The following VWA3B variants were observed in gnomAD, a reference collection of about 807,000 sequenced individuals.
VWA3B encodes von Willebrand factor A domain containing 3B.
VWA3B carries 138 observed loss-of-function variants against 158.3 expected under a neutral mutation model. That is an observed-to-expected ratio of 0.87 (90% CI 0.76 to 1.00). VWA3B has a LOEUF of 1.00. Ranked by LOEUF, VWA3B falls within the 50% of genes least tolerant of loss-of-function variation. The pLI is 0.00. For missense variants in VWA3B, 1,555 were observed against 1,565.1 expected, an observed-to-expected ratio of 0.99 and a Z score of 0.11; for synonymous variants, 596 against 587.3, an observed-to-expected ratio of 1.01 and a Z score of -0.21.
At chr2:98,249,261 T>C (rs1686638770) in intron 19 of VWA3B, among the ~76,000 whole-genome samples, 1 of 152,182 alleles carries the variant, frequency 6.6e-6, no homozygotes, top group African/African-American at 2.4e-5. Flanking sequence ...GTGTGCCAGG[T>C]ACTATTCTAA....
the VWA3B span, among the ~76,000 whole-genome samples, chr2:98,327,371 C>T: frequency 6.6e-6 from 1 of 152,078 alleles, no homozygotes. Flanking sequence ...TTTCTCAACT[C>T]GTTTTATGAG....
chr2:98,126,873 G>A (rs768828861), intron 5 of VWA3B, among the ~76,000 whole-genome samples: 51 of 151,176 alleles, frequency 3.4e-4, no homozygotes, highest in African/African-American at 9.7e-4. Context: ...CACCCACTGC[G>A]TCCCACCCCT....
chr2:98,147,926 C>T (rs1169466032), intron 7 of VWA3B, among the ~76,000 whole-genome samples: 2 of 149,796 alleles, frequency 1.3e-5, no homozygotes, highest in East Asian at 4.0e-4. Flanking sequence ...GTTCAATTCC[C>T]TATTCAGTTC....
chr2:98,164,094 G>A (rs149150720), intron 8 of VWA3B, among the ~76,000 whole-genome samples: 8 of 152,208 alleles, frequency 5.3e-5, no homozygotes, highest in South Asian at 2.1e-4. Context: ...TCCCATCCAC[G>A]CTGTCTGTGT....
At chr2:98,195,041 TG>T (rs773089249) in intron 12 of VWA3B, among the ~76,000 whole-genome samples, 1 of 152,276 alleles carries the variant, frequency 6.6e-6, no homozygotes, top group East Asian at 1.9e-4. Flanking sequence ...GGATTTTCCT[TG>T]CCCTAAATTT....
At chr2:98,306,072 G>T (rs1574322790) in intron 26 of VWA3B, among the ~76,000 whole-genome samples, 1 of 151,946 alleles carries the variant, frequency 6.6e-6, no homozygotes, top group Non-Finnish European at 1.5e-5. Flanking sequence ...GCTTTCTCAG[G>T]TCTCTGTGCC....
chr2:98,282,450 T>TC (rs1316079883), intron 22 of VWA3B, among the ~76,000 whole-genome samples: 1 of 139,672 alleles, frequency 7.2e-6, no homozygotes, highest in African/African-American at 2.5e-5. Context: ...TTTTTTTTTT[T>TC]TTTTTGAGAC....
intron 2 of VWA3B, among the ~76,000 whole-genome samples, chr2:98,108,498 C>G (rs960751848): frequency 2.6e-5 from 4 of 152,070 alleles, no homozygotes; most frequent in Non-Finnish European, 4.4e-5. Flanking sequence ...TTCAGTTATT[C>G]TGTTTTTTGT....
chr2:98,110,153 T>C (rs983999125), intron 2 of VWA3B, among the ~76,000 whole-genome samples: 1 of 151,738 alleles, frequency 6.6e-6, no homozygotes, highest in Non-Finnish European at 1.5e-5. Context: ...AATATGAACA[T>C]TGGATCTTTA....
chr2:98,324,723 A>G, the VWA3B span, among the ~76,000 whole-genome samples: 12 of 152,336 alleles, frequency 7.9e-5, no homozygotes, highest in African/African-American at 2.4e-4. Context: ...GTGATCTCCC[A>G]GTTTCCAAAG....
rs1574007206 is a variant in VWA3B, at chr2:98,181,350, C to T, written c.1311+138C>T. On this transcript the variant is annotated intron_variant, in intron 9 of 27. Coordinates refer to ENST00000477737, the MANE Select transcript of VWA3B (RefSeq NM_144992.5). ...TTGGGTTTCTGTGAAGAACAGGGTTCCTCTGTTTCCCTCCTCACCCTTCTC... is the reference window on the plus strand; with the variant it reads ...TTGGGTTTCTGTGAAGAACAGGGTTTCTCTGTTTCCCTCCTCACCCTTCTC... 1.6e-5 allele frequency: 14 copies of T among 865,400 alleles called. No homozygotes were observed. In the East Asian group the frequency reaches 3.4e-4, roughly 21 times the overall value. The allele number at this position is 865,400 out of a possible 1,614,324, so 53.6% of individuals were successfully genotyped here. A position where few individuals can be genotyped will look rare whatever the true frequency, so the allele number is the denominator to read the frequency against.
At chr2:98,288,084 G>T (rs1008288899) in intron 22 of VWA3B, among the ~76,000 whole-genome samples, 2 of 152,122 alleles carry the variant, frequency 1.3e-5, no homozygotes, top group East Asian at 3.8e-4. Context: ...TCAAGGTCTT[G>T]ATCTGATCAT....
At chr2:98,118,873 G>C (rs527452517) in intron 3 of VWA3B, among the ~76,000 whole-genome samples, 1 of 152,354 alleles carries the variant, frequency 6.6e-6, no homozygotes, top group South Asian at 2.1e-4. Context: ...CAGTGTGTCT[G>C]ATCTATGTGA....
At chr2:98,223,027 T>C (rs1684637226) in intron 14 of VWA3B, among the ~76,000 whole-genome samples, 1 of 152,168 alleles carries the variant, frequency 6.6e-6, no homozygotes, top group African/African-American at 2.4e-5. Flanking sequence ...TATGTTGGAA[T>C]GACCTGCAAG....
chr2:98,273,684 C>G (rs1688348423), intron 22 of VWA3B, among the ~76,000 whole-genome samples: 1 of 152,180 alleles, frequency 6.6e-6, no homozygotes, highest in Non-Finnish European at 1.5e-5. Flanking sequence ...ATTCGAAGCA[C>G]TGGGAGTACC....
chr2:98,091,926 T>C (rs988413638), intron 1 of VWA3B, among the ~76,000 whole-genome samples: 1 of 152,206 alleles, frequency 6.6e-6, no homozygotes, highest in Non-Finnish European at 1.5e-5. Context: ...CGGGTTAAGA[T>C]TGCATTATAG....
intron 22 of VWA3B, among the ~76,000 whole-genome samples, chr2:98,287,376 A>G (rs1373233626): frequency 6.6e-6 from 1 of 151,958 alleles, no homozygotes; most frequent in East Asian, 1.9e-4. Flanking sequence ...TTTACTTAGA[A>G]CTCAAGCTCT....
chr2:98,135,796 T>C (rs1676240642), intron 7 of VWA3B, among the ~76,000 whole-genome samples: 1 of 152,208 alleles, frequency 6.6e-6, no homozygotes, highest in Non-Finnish European at 1.5e-5. Context: ...TTTCAAAGCC[T>C]ACCTCTCCCA....
intron 19 of VWA3B, among the ~76,000 whole-genome samples, chr2:98,241,615 C>G (rs1349339729): frequency 6.6e-6 from 1 of 151,804 alleles, no homozygotes; most frequent in Non-Finnish European, 1.5e-5. Context: ...GAATATCAAG[C>G]AGGGGAAAAA....
Sources: gnomAD v4.1 joint callset for allele counts (sites outside exome capture counted in the v4.1 genomes callset) on GRCh38, gnomAD v4.1.1 for gene constraint, MANE v1.5 for transcripts, NCBI Gene and HGNC (gene_info 2026-07-23, HGNC 2026-07-21) for gene names.